The following SOX6 variants were observed in gnomAD, a reference collection of about 807,000 sequenced individuals.
The protein encoded by SOX6 is transcription factor SOX-6.
In SOX6, 11 loss-of-function variants were observed where a neutral mutation model predicts 97.8. The observed-to-expected ratio is 0.11, with a 90% CI of 0.07 to 0.19. SOX6 has a LOEUF of 0.19. SOX6 is among the 10% of genes least tolerant of loss of function. The pLI, the probability that SOX6 is intolerant of heterozygous loss-of-function variation, is 1.00. For synonymous variants in SOX6, 360 were observed against 371.4 expected (o/e 0.97, Z 0.35); for missense variants, 810 against 1,039.5 (o/e 0.78, Z 3.04).
chr11:16,242,415 G>A (rs1002338772), intron 3 of SOX6, among the ~76,000 whole-genome samples: 3 of 151,848 alleles, frequency 2.0e-5, no homozygotes, highest in Admixed American at 6.6e-5. Flanking sequence ...CAATGAAATT[G>A]CCTAAGGATG....
At chr11:16,254,315 C>A (rs1853614818) in intron 3 of SOX6, among the ~76,000 whole-genome samples, 2 of 151,886 alleles carry the variant, frequency 1.3e-5, no homozygotes, top group African/African-American at 4.8e-5. Flanking sequence ...CTTGATTGAT[C>A]TAGAGATAAG....
intron 4 of SOX6, among the ~76,000 whole-genome samples, chr11:16,218,337 T>C (rs1316105765): frequency 6.6e-6 from 1 of 152,120 alleles, no homozygotes; most frequent in East Asian, 1.9e-4. Flanking sequence ...ATGAAATGCA[T>C]CAAACTAGTT....
At chr11:16,350,349 C>G (rs899388758) in intron 1 of SOX6, among the ~76,000 whole-genome samples, 3 of 152,098 alleles carry the variant, frequency 2.0e-5, no homozygotes, top group Admixed American at 6.6e-5. Flanking sequence ...TCTAGCTGCA[C>G]GTTTTATTTT....
intron 4 of SOX6, among the ~76,000 whole-genome samples, chr11:16,566,997 G>C (rs940140557): frequency 5.9e-5 from 9 of 152,180 alleles, no homozygotes; most frequent in African/African-American, 1.9e-4. Context: ...TAATAAAAAG[G>C]AATGAAGTGC....
chr11:15,999,041 G>A (rs1854320146), intron 13 of SOX6, among the ~76,000 whole-genome samples: 1 of 151,840 alleles, frequency 6.6e-6, no homozygotes, highest in Admixed American at 6.6e-5. Context: ...CTTGCATCTA[G>A]GATATATAAA....
chr11:16,623,598 G>C (rs142873847), intron 3 of SOX6, among the ~76,000 whole-genome samples: 3 of 152,008 alleles, frequency 2.0e-5, no homozygotes, highest in Admixed American at 2.0e-4. Context: ...TGTTTTTGTC[G>C]CATTTGCTTT....
At chr11:16,155,509 A>G (rs1850574656) in intron 6 of SOX6, among the ~76,000 whole-genome samples, 1 of 152,134 alleles carries the variant, frequency 6.6e-6, no homozygotes, top group African/African-American at 2.4e-5. Flanking sequence ...TAGGCTACTT[A>G]TTGTGATGCC....
intron 1 of SOX6, among the ~76,000 whole-genome samples, chr11:16,347,202 A>G (rs537243384): frequency 1.3e-5 from 2 of 152,154 alleles, no homozygotes; most frequent in African/African-American, 4.8e-5. Context: ...GCCTATGGAA[A>G]ACCTATAATT....
intron 13 of SOX6, among the ~76,000 whole-genome samples, chr11:15,989,712 C>A (rs1853985167): frequency 6.6e-6 from 1 of 152,156 alleles, no homozygotes; most frequent in Non-Finnish European, 1.5e-5. Flanking sequence ...TCCCATTCAA[C>A]CTTCAATCAT....
At chr11:16,501,905 G>A (rs1052428255) in intron 4 of SOX6, among the ~76,000 whole-genome samples, 9 of 152,170 alleles carry the variant, frequency 5.9e-5, no homozygotes, top group African/African-American at 1.9e-4. Flanking sequence ...TCAGTGTGGC[G>A]ATTCCTCAGG....
At chr11:16,193,673 G>T (rs952452342) in intron 4 of SOX6, among the ~76,000 whole-genome samples, 4 of 152,178 alleles carry the variant, frequency 2.6e-5, no homozygotes, top group African/African-American at 9.7e-5. Flanking sequence ...ATCCTAGAAA[G>T]ATTAAAGCAC....
At chr11:16,040,109 T>C (rs1291663410) in intron 12 of SOX6, among the ~76,000 whole-genome samples, 1 of 152,058 alleles carries the variant, frequency 6.6e-6, no homozygotes, top group Non-Finnish European at 1.5e-5. Flanking sequence ...TATCGAATTT[T>C]AGCCATTTCA....
chr11:16,318,453 T>G lies in SOX6; in HGVS notation c.438A>C (p.Glu146Asp), dbSNP rs1282383358. 1.2e-6 allele frequency: 2 copies of G among 1,613,198 alleles called. No homozygotes were observed. The highest frequency in any genetic ancestry group is 2.7e-5 in the African/African-American group (2 of 74,800). Residue 146 changes from glutamate (E) to aspartate (D), a missense_variant, in exon 3 of 16, where the codon GAA (glutamate) becomes GAC (aspartate). Physicochemically the swap from Glu to Asp is conservative, Grantham distance 45. Transcript: ENST00000683767. Reference sequence around the variant, plus strand: ...AGTGAAGTCCACACATACCCTCTTGTTCAGTCCGAGTCATTTCCTCAAGCT... The same window carrying G: ...AGTGAAGTCCACACATACCCTCTTGGTCAGTCCGAGTCATTTCCTCAAGCT... The part of the protein sequence containing the change: ...QKKLEEMTRT[E>D]QEDSSCMEKL...
chr11:16,586,505 A>G (rs960356281), intron 4 of SOX6, among the ~76,000 whole-genome samples: 1 of 152,182 alleles, frequency 6.6e-6, no homozygotes, highest in Non-Finnish European at 1.5e-5. Flanking sequence ...CCTTAGAAGA[A>G]AAAAGATAGC....
chr11:16,726,749 C>T (rs762299889), intron 2 of SOX6, among the ~76,000 whole-genome samples: 3 of 152,094 alleles, frequency 2.0e-5, no homozygotes, highest in African/African-American at 7.2e-5. Context: ...TATTGCTTTA[C>T]TGTTGATTAG....
intron 5 of SOX6, 79 bp from the exon 6 acceptor site, chr11:16,184,033 T>G (rs1851408150): frequency 1.1e-5 from 14 of 1,254,912 alleles, no homozygotes; most frequent in Non-Finnish European, 1.6e-5. Flanking sequence ...CTCCTGGTAT[T>G]ACAACAATCT....
intron 15 of SOX6, among the ~76,000 whole-genome samples, chr11:15,984,303 C>T (rs1853758667): frequency 6.6e-6 from 1 of 152,136 alleles, no homozygotes. Context: ...TACTGCAACT[C>T]ATATTTTCAA....
intron 4 of SOX6, among the ~76,000 whole-genome samples, chr11:16,191,277 A>AT (rs1590014371): frequency 2.6e-5 from 4 of 152,134 alleles, no homozygotes; most frequent in Non-Finnish European, 5.9e-5. Context: ...CAACATAGTA[A>AT]GAACCTGTCT....
intron 4 of SOX6, among the ~76,000 whole-genome samples, chr11:16,589,924 CT>C (rs1848131338): frequency 6.6e-6 from 1 of 152,088 alleles, no homozygotes; most frequent in African/African-American, 2.4e-5. Flanking sequence ...CTTTGAAATT[CT>C]TTTATAAAAG....
Sources: gnomAD v4.1 joint callset for allele counts (sites outside exome capture counted in the v4.1 genomes callset) on GRCh38, gnomAD v4.1.1 for gene constraint, MANE v1.5 for transcripts, NCBI Gene and HGNC (gene_info 2026-07-23, HGNC 2026-07-21) for gene names.